BIRC6: variants seen among roughly 807,000 people sequenced by gnomAD.
BIRC6 encodes baculoviral IAP repeat containing 6.
BIRC6 carries 98 observed loss-of-function variants against 503.3 expected under a neutral mutation model. That is an observed-to-expected ratio of 0.19 (90% CI 0.17 to 0.23). BIRC6 has a LOEUF of 0.23. Ranked by LOEUF, BIRC6 falls within the 10% of genes least tolerant of loss-of-function variation. BIRC6 has a pLI of 1.00. For synonymous variants in BIRC6, 2,240 were observed against 2,078.7 expected (o/e 1.08, Z -2.11); for missense variants, 5,360 against 5,806.0 (o/e 0.92, Z 2.50).
intron 57 of BIRC6, among the ~76,000 whole-genome samples, chr2:32,520,388 T>TA (rs1057006771): frequency 2.6e-5 from 4 of 152,150 alleles, no homozygotes; most frequent in Admixed American, 2.0e-4. Flanking sequence ...TTATAAATAT[T>TA]AAAAAAAATT....
At chr2:32,513,421 C>T (rs1348471598) in intron 54 of BIRC6, among the ~76,000 whole-genome samples, 1 of 152,158 alleles carries the variant, frequency 6.6e-6, no homozygotes, top group African/African-American at 2.4e-5. Flanking sequence ...TGTTTATTCT[C>T]AGTTGCAAAT....
rs547452585 is a variant in BIRC6, at chr2:32,577,723, G to C, written c.13355+2357G>C. 9.7e-4 allele frequency among the ~76,000 whole-genome samples: 148 copies of C among 152,194 alleles called. 4 individuals carry two copies. Among genetic ancestry groups the C allele is most frequent in the South Asian group, 2.1e-3 (10 of 4,818 alleles). ...AACACTGTATAATTTTTTGAGAAAG[G>C]AATCTTCTTTATAAAAATACACCAG... On this transcript the variant is annotated intron_variant, in intron 66 of 73. Coordinates refer to ENST00000421745, the MANE Select transcript of BIRC6 (RefSeq NM_016252.4).
At chr2:32,567,333 C>T (rs1340600258) in intron 65 of BIRC6, among the ~76,000 whole-genome samples, 6 of 152,204 alleles carry the variant, frequency 3.9e-5, no homozygotes, top group Non-Finnish European at 8.8e-5. Context: ...TATCCACATA[C>T]CTTTCCTGGC....
intron 65 of BIRC6, among the ~76,000 whole-genome samples, chr2:32,550,228 A>G (rs2058335348): frequency 6.6e-6 from 1 of 152,124 alleles, no homozygotes; most frequent in Non-Finnish European, 1.5e-5. Flanking sequence ...TCATTAATTT[A>G]TTAAGGAAGA....
chr2:32,374,944 C>G (rs1404539225), intron 1 of BIRC6, among the ~76,000 whole-genome samples: 1 of 152,038 alleles, frequency 6.6e-6, no homozygotes, highest in African/African-American at 2.4e-5. Flanking sequence ...ATCTGTAGAT[C>G]CATTTGGGGA....
At position 32,425,034 on chromosome 2, in the gene BIRC6, A is replaced by T. The variant is rs557624024; in HGVS notation, c.2873-4112A>T. Reference sequence around the variant, plus strand: ...ATGTTGAGCATTTCTTCATGTGTTTATTGGTGATTTGTATTTCTATAATAG... The same window carrying T: ...ATGTTGAGCATTTCTTCATGTGTTTTTTGGTGATTTGTATTTCTATAATAG... On this transcript the variant is annotated intron_variant, in intron 10 of 73. Coordinates refer to ENST00000421745, the MANE Select transcript of BIRC6 (RefSeq NM_016252.4). Among the ~76,000 whole-genome samples the T allele has an allele frequency of 1.1e-4, 16 of 150,200 alleles. No homozygotes were observed. In the East Asian group the frequency reaches 2.9e-3, roughly 27 times the overall value.
Position 32,512,942 on chromosome 2 carries a change from C to T in BIRC6, c.10356C>T (p.Ala3452=). 1 of 1,613,714 alleles carries T rather than the reference C, an allele frequency of 6.2e-7. No homozygotes were observed. The highest frequency in any genetic ancestry group is 8.5e-7 in the Non-Finnish European group (1 of 1,179,806). ...GTTTTCTTCGTTTAAGAATTCAGGC[C>T]TTGTTAAAATGGGTTAGTGATTCTG... ...QDPGTKDRIQ[A]LLKWVSDSAR... Residue 3452 remains alanine, a synonymous_variant, in exon 54 of 74, where the codon GCC becomes GCT. Transcript: ENST00000421745.
intron 1 of BIRC6, among the ~76,000 whole-genome samples, chr2:32,361,352 G>A (rs1184785143): frequency 6.6e-6 from 1 of 150,740 alleles, no homozygotes; most frequent in Non-Finnish European, 1.5e-5. Context: ...CTTTTTTTTT[G>A]TTTAAATATG....
At chr2:32,470,592 T>A (rs913346111) in intron 31 of BIRC6, among the ~76,000 whole-genome samples, 14 of 152,206 alleles carry the variant, frequency 9.2e-5, no homozygotes, top group African/African-American at 3.4e-4. Flanking sequence ...ACAGTTGTTG[T>A]TCCCATCAAC....
intron 65 of BIRC6, among the ~76,000 whole-genome samples, chr2:32,551,704 G>T (rs2058436225): frequency 6.6e-6 from 1 of 152,078 alleles, no homozygotes; most frequent in Non-Finnish European, 1.5e-5. Flanking sequence ...TGCGTATATA[G>T]TATTATTTTT....
At chr2:32,375,905 G>T (rs1407589606) in intron 1 of BIRC6, among the ~76,000 whole-genome samples, 2 of 152,114 alleles carry the variant, frequency 1.3e-5, no homozygotes, top group African/African-American at 4.8e-5. Context: ...ACATGAGATG[G>T]CCGGGCGCAG....
chr2:32,442,434 G>T lies in BIRC6; in HGVS notation c.4217G>T (p.Arg1406Leu). Reference protein sequence around the residue: ...AGRSIAHKCARFLALCISNGK... With the variant: ...AGRSIAHKCALFLALCISNGK... Reference sequence around the variant, plus strand: ...CGAAGTATAGCCCATAAGTGTGCCCGATTTCTAGCCTTGTGCATTAGGTTG... The same window carrying T: ...CGAAGTATAGCCCATAAGTGTGCCCTATTTCTAGCCTTGTGCATTAGGTTG... Residue 1406 changes from arginine to leucine, a missense_variant, in exon 19 of 74, where the codon CGA becomes CTA. Physicochemically the swap from Arg to Leu is moderately radical, Grantham distance 102. Transcript: ENST00000421745. 1.9e-6 allele frequency: 3 copies of T among 1,607,136 alleles called. No homozygotes were observed. Among genetic ancestry groups the T allele is most frequent in the Non-Finnish European group, 2.5e-6 (3 of 1,176,724 alleles).
At chr2:32,504,422 C>G (rs1340127285) in intron 49 of BIRC6, among the ~76,000 whole-genome samples, 1 of 151,860 alleles carries the variant, frequency 6.6e-6, no homozygotes, top group East Asian at 1.9e-4. Context: ...AATCCCAGCA[C>G]TTTGGGTGGC....
chr2:32,424,206 A>G (rs2043228483), intron 10 of BIRC6, among the ~76,000 whole-genome samples: 1 of 152,058 alleles, frequency 6.6e-6, no homozygotes, highest in African/African-American at 2.4e-5. Context: ...TCCTGTGCCT[A>G]ATTTATAAAT....
At chr2:32,496,859 A>T (rs2052538496) in intron 45 of BIRC6, among the ~76,000 whole-genome samples, 1 of 152,158 alleles carries the variant, frequency 6.6e-6, no homozygotes, top group African/African-American at 2.4e-5. Flanking sequence ...CATATGTCTC[A>T]TGGGTTCCCC....
rs781325587 is a variant in BIRC6 at position 32,406,535 on chromosome 2, T to G, written c.1455T>G (p.His485Gln). The part of the protein sequence containing the change: ...DLLEDSDSEE[H>Q]SRSDSVTGHT... Reference sequence around the variant, plus strand: ...TGGAGGATTCAGACAGTGAAGAGCATTCCAGATCAGATTCTGTGACAGGTA... The same window carrying G: ...TGGAGGATTCAGACAGTGAAGAGCAGTCCAGATCAGATTCTGTGACAGGTA... Residue 485 changes from histidine to glutamine, a missense_variant, in exon 9 of 74, where the codon CAT becomes CAG. This residue lies in a region of BIRC6 where 700 missense variants were observed against 739.3 expected (regional missense o/e 0.95). Coordinates refer to ENST00000421745, the MANE Select transcript of BIRC6 (RefSeq NM_016252.4). 3.7e-6 allele frequency: 6 copies of G among 1,610,712 alleles called. No homozygotes were observed. In the South Asian group the frequency reaches 6.6e-5, roughly 18 times the overall value.
At chr2:32,502,643 AT>A (rs2053331427) in intron 47 of BIRC6, among the ~76,000 whole-genome samples, 151 bp from the exon 48 acceptor site, 1 of 152,140 alleles carries the variant, frequency 6.6e-6, no homozygotes, top group Non-Finnish European at 1.5e-5. Flanking sequence ...TTCAGGTAAG[AT>A]TTCTTATGTA....
chr2:32,561,477 T>TGG (rs2059180426), intron 65 of BIRC6, among the ~76,000 whole-genome samples: 2 of 151,698 alleles, frequency 1.3e-5, no homozygotes, highest in African/African-American at 2.4e-5. Context: ...TGACCTCAAA[T>TGG]GATCTGCCCA....
At chr2:32,399,937 G>C (rs1272052678) in intron 6 of BIRC6, among the ~76,000 whole-genome samples, 1 of 151,932 alleles carries the variant, frequency 6.6e-6, no homozygotes, top group Non-Finnish European at 1.5e-5. Flanking sequence ...ACAGGCACAT[G>C]CTACCACACC....
Sources: gnomAD v4.1 joint callset for allele counts (sites outside exome capture counted in the v4.1 genomes callset) on GRCh38, gnomAD v4.1.1 for gene constraint, gnomAD v4.1.1 regional missense constraint, MANE v1.5 for transcripts, NCBI Gene and HGNC (gene_info 2026-07-23, HGNC 2026-07-21) for gene names.